Variants in SYT12 observed in about 807,000 individuals in gnomAD.
SYT12 encodes the protein synaptotagmin 12.
SYT12 carries 27 observed loss-of-function variants against 39.5 expected under a neutral mutation model. The ratio of observed to expected loss-of-function variants is 0.68; its 90% CI spans 0.50 to 0.94. The LOEUF (loss-of-function observed/expected upper bound fraction) is 0.94. Ranked by LOEUF, SYT12 falls within the 40% of genes least tolerant of loss-of-function variation. The probability of loss-of-function intolerance (pLI) is 0.00; values close to 1 mark genes in which losing one functional copy is unlikely to be tolerated. For synonymous variants in SYT12, 233 were observed against 239.7 expected, an observed-to-expected ratio of 0.97 and a Z score of 0.26; for missense variants, 536 against 572.6, an observed-to-expected ratio of 0.94 and a Z score of 0.65.
rs1854679191 is a variant in SYT12 at position 67,049,315 on chromosome 11, T to A, written c.*558T>A. On this transcript the variant is annotated 3_prime_UTR_variant, in exon 8 of 8. Transcript: ENST00000527043. ...CAGGCAGCGGGCCCAGCCTGAGCAA[T>A]GGCAGGATGTGAACTTCCCCATCGC... is the stretch of plus-strand genomic sequence containing the variant. The A allele has an allele frequency of 6.6e-6, 1 of 152,408 alleles. No homozygotes were observed. The highest frequency in any genetic ancestry group is 2.4e-5 in the African/African-American group (1 of 41,380). 9.4% of individuals were successfully genotyped at this position (152,408 alleles called of 1,614,324 possible).
chr11:67,013,540 T>C (rs1454503056), intron 3 of SYT12, among the ~76,000 whole-genome samples: 1 of 152,152 alleles, frequency 6.6e-6, no homozygotes, highest in African/African-American at 2.4e-5. Context: ...CTTTAGTCCT[T>C]GAGCCCATCC....
upstream of SYT12, among the ~76,000 whole-genome samples, chr11:67,019,997 T>G (rs1392398058): frequency 6.6e-6 from 1 of 152,020 alleles, no homozygotes; most frequent in African/African-American, 2.4e-5. Context: ...TCTTCACCTT[T>G]AAGTGTCACT....
intron 5 of SYT12, 109 bp from the exon 6 acceptor site, chr11:67,044,484 C>T: frequency 6.8e-7 from 1 of 1,478,846 alleles, no homozygotes; most frequent in Non-Finnish European, 9.0e-7. Context: ...AGTGCAGCCA[C>T]TTCTCTATGG....
intron 6 of SYT12, among the ~76,000 whole-genome samples, chr11:67,045,030 G>C (rs1336631844): frequency 1.3e-5 from 2 of 152,044 alleles, no homozygotes; most frequent in Non-Finnish European, 2.9e-5. Context: ...GGGAACCAAG[G>C]TGGGCATCTG....
At chr11:67,035,790 T>TTTTCTTCC (rs1491375358) in intron 3 of SYT12, among the ~76,000 whole-genome samples, 22 of 73,200 alleles carry the variant, frequency 3.0e-4, no homozygotes, top group African/African-American at 1.3e-3. Context: ...TTTTCTTTTC[T>TTTTCTTCC]TTCCTTCCTT....
At chr11:67,007,641 T>C (rs954625998) in intron 1 of SYT12, among the ~76,000 whole-genome samples, 3 of 152,210 alleles carry the variant, frequency 2.0e-5, no homozygotes, top group African/African-American at 7.2e-5. Flanking sequence ...CTCGGCTCAC[T>C]GCAACCTCCG....
chr11:67,016,888 A>G (rs1950063168), intron 3 of SYT12, among the ~76,000 whole-genome samples: 1 of 152,218 alleles, frequency 6.6e-6, no homozygotes, highest in South Asian at 2.1e-4. Context: ...AAGTGGGATC[A>G]TCTGCCTCAA....
chr11:67,034,637 C>T lies in SYT12; in HGVS notation c.35-8C>T, dbSNP rs1950324616. 6 of 1,585,964 alleles carry T rather than the reference C, an allele frequency of 3.8e-6. No homozygotes were observed. Among genetic ancestry groups the T allele is most frequent in the Non-Finnish European group, 4.3e-6 (5 of 1,169,728 alleles). On this transcript the variant is annotated splice_region_variant and splice_polypyrimidine_tract_variant and intron_variant, in intron 2 of 7. Transcript: ENST00000527043. ...AAGCCCTAATGAGAGGCTGCCCTTG[C>T]CTTGCAGTCATCAAGAGCCCCCCTG...
rs1950559097 is a variant in SYT12 at position 67,043,749 on chromosome 11, G to A, written c.733G>A (p.Asp245Asn). The change falls in exon 5 of 8, where the codon GAT becomes AAT. Residue 245 changes from aspartate to asparagine, a missense_variant. Coordinates refer to ENST00000527043, the MANE Select transcript of SYT12 (RefSeq NM_177963.4). The part of the protein sequence containing the change: ...LRFSVFGIDE[D>N]ERNVSTGVVE... ...GTTTTCTGTATTTGGCATCGATGAG[G>A]ATGAGCGCAACGTCAGCACGGGGGT... 1.9e-6 allele frequency: 3 copies of A among 1,614,142 alleles called. No homozygotes were observed. Among genetic ancestry groups the A allele is most frequent in the Non-Finnish European group, 1.7e-6 (2 of 1,180,046 alleles).
At chr11:67,037,544 CTACCAAAA>C (rs1950404505) in intron 3 of SYT12, among the ~76,000 whole-genome samples, 1 of 142,012 alleles carries the variant, frequency 7.0e-6, no homozygotes, top group Non-Finnish European at 1.5e-5. Context: ...GATCTCATCT[CTACCAAAA>C]TAAATAAATA....
intron 3 of SYT12, among the ~76,000 whole-genome samples, chr11:67,013,349 A>G (rs1565326265): frequency 6.6e-6 from 1 of 152,044 alleles, no homozygotes; most frequent in Non-Finnish European, 1.5e-5. Context: ...GCCTCCCTGC[A>G]GCTTCCTCAG....
rs567854807 is a variant in SYT12, at chr11:67,042,220, T to C, written c.622-1418T>C. Among the ~76,000 whole-genome samples the C allele has an allele frequency of 5.3e-5, 8 of 152,310 alleles. No individual in the cohort carries two copies. In the South Asian group the frequency reaches 1.0e-3, roughly 20 times the overall value. On this transcript the variant is annotated intron_variant, in intron 4 of 7. Coordinates refer to ENST00000527043, the MANE Select transcript of SYT12 (RefSeq NM_177963.4). ...ATCTGTCAAATGGGCATCATGGTTATTGAGGAAGAGATGGGTTAATGTATG... is the reference window on the plus strand; with the variant it reads ...ATCTGTCAAATGGGCATCATGGTTACTGAGGAAGAGATGGGTTAATGTATG...
At chr11:67,048,268 CA>C (rs562190914) in intron 7 of SYT12, among the ~76,000 whole-genome samples, 5,563 of 82,766 alleles carry the variant, frequency 0.067, 283 homozygotes, top group African/African-American at 0.2. Context: ...GAGACTGTCT[CA>C]AAAAAAAAAA....
At chr11:67,044,017 G>T (rs189836223) in intron 5 of SYT12, among the ~76,000 whole-genome samples, 164 bp downstream of exon 5, 42 of 152,298 alleles carry the variant, frequency 2.8e-4, no homozygotes, top group Middle Eastern at 6.8e-3. Flanking sequence ...ACTGCTTGCT[G>T]CAGGCAAATT....
intron 4 of SYT12, among the ~76,000 whole-genome samples, chr11:67,042,857 T>C (rs374235740): frequency 1.1e-4 from 17 of 151,810 alleles, no homozygotes; most frequent in African/African-American, 1.7e-4. Flanking sequence ...GACAGAAGAG[T>C]GTGGTCATGG....
chr11:67,029,984 G>A (rs1565333288), intron 1 of SYT12, 138 bp from the exon 2 acceptor site: 2 of 649,568 alleles, frequency 3.1e-6, no homozygotes, highest in African/African-American at 3.7e-5. Context: ...AAAATGCCAA[G>A]CCTCCCTTTG....
chr11:67,023,843 A>T (rs1409928349), intron 1 of SYT12, among the ~76,000 whole-genome samples: 1 of 151,778 alleles, frequency 6.6e-6, no homozygotes, highest in East Asian at 1.9e-4. Context: ...GTCCCCATAC[A>T]CCCTGGAGGT....
chr11:67,017,258 A>G (rs1357079749), intron 3 of SYT12, among the ~76,000 whole-genome samples: 4 of 152,158 alleles, frequency 2.6e-5, no homozygotes, highest in African/African-American at 4.8e-5. Flanking sequence ...ATGGTGGCTC[A>G]CACCTGTAAT....
At chr11:67,021,499 C>T (rs1489550058), upstream of SYT12, among the ~76,000 whole-genome samples, 4 of 151,954 alleles carry the variant, frequency 2.6e-5, no homozygotes, top group Non-Finnish European at 5.9e-5. Flanking sequence ...AGGCTGGTCT[C>T]GAACTCCTGG....
Sources: gnomAD v4.1 joint callset for allele counts (sites outside exome capture counted in the v4.1 genomes callset) on GRCh38, gnomAD v4.1.1 for gene constraint, MANE v1.5 for transcripts, NCBI Gene and HGNC (gene_info 2026-07-23, HGNC 2026-07-21) for gene names.